NIBAN1: variants seen among roughly 807,000 people sequenced by gnomAD.
NIBAN1 encodes the protein niban apoptosis regulator 1.
Under a neutral mutation model 75.1 loss-of-function variants are expected in NIBAN1, and 81 were observed. That is an observed-to-expected ratio of 1.08 (90% CI 0.90 to 1.30). The LOEUF (loss-of-function observed/expected upper bound fraction) is 1.30, where lower values mean the gene tolerates loss of function less well. NIBAN1 is among the 50% of genes most tolerant of loss of function. The pLI, the probability that NIBAN1 is intolerant of heterozygous loss-of-function variation, is 0.00. For synonymous variants in NIBAN1, 436 were observed against 424.8 expected (o/e 1.03, Z -0.32); for missense variants, 1,133 against 1,128.1 (o/e 1.00, Z -0.06).
In NIBAN1 at chr1:184,798,073, T is replaced by G; in HGVS notation, c.1666+6A>C. ...TGTCCCTGCAGCACCAGGTAACCTT[T>G]CTTACCTTTCAGAGTTTCATCAAGC... On this transcript the variant is annotated splice_donor_region_variant and intron_variant, in intron 13 of 13. Coordinates refer to ENST00000367511, the MANE Select transcript of NIBAN1 (RefSeq NM_052966.4). The G allele has an allele frequency of 6.3e-7, 1 of 1,589,944 alleles. No individual in the cohort carries two copies. Among genetic ancestry groups the G allele is most frequent in the Non-Finnish European group, 8.6e-7 (1 of 1,159,370 alleles).
intron 13 of NIBAN1, 143 bp from the exon 14 acceptor site, chr1:184,796,240 A>G (rs1356477185): frequency 1.3e-6 from 1 of 753,946 alleles, no homozygotes; most frequent in African/African-American, 1.8e-5. Flanking sequence ...ACCAAAGTCT[A>G]TAAACTCTTT....
intron 5 of NIBAN1, among the ~76,000 whole-genome samples, chr1:184,838,274 T>C (rs1238590222): frequency 6.6e-6 from 1 of 152,220 alleles, no homozygotes; most frequent in African/African-American, 2.4e-5. Context: ...GCCCCGAACC[T>C]GCTGAAATCA....
chr1:184,825,444 G>A (rs1455873686), intron 6 of NIBAN1, among the ~76,000 whole-genome samples: 1 of 151,580 alleles, frequency 6.6e-6, no homozygotes, highest in Non-Finnish European at 1.5e-5. Flanking sequence ...GAAAAAGAAG[G>A]CAATAACCAA....
chr1:184,867,985 A>C (rs1237198399), intron 5 of NIBAN1: 1 of 985,340 alleles, frequency 1.0e-6, no homozygotes, highest in Non-Finnish European at 1.2e-6. Flanking sequence ...AGGAAAAAAC[A>C]ACAAATGAAG....
chr1:184,912,779 C>T (rs1657276061), intron 1 of NIBAN1, among the ~76,000 whole-genome samples: 1 of 152,154 alleles, frequency 6.6e-6, no homozygotes, highest in African/African-American at 2.4e-5. Context: ...ATGAGACTGA[C>T]AGCTTTTTCA....
intron 5 of NIBAN1, among the ~76,000 whole-genome samples, chr1:184,833,228 C>T (rs1051775688): frequency 1.3e-5 from 2 of 150,548 alleles, no homozygotes; most frequent in Non-Finnish European, 3.0e-5. Context: ...GATCAATCTG[C>T]TCTCAAAGGT....
chr1:184,815,888 A>C (rs1332553766), intron 9 of NIBAN1, among the ~76,000 whole-genome samples: 3 of 152,232 alleles, frequency 2.0e-5, no homozygotes, highest in African/African-American at 7.2e-5. Flanking sequence ...GGCAATAATT[A>C]GAAATGTCTC....
chr1:184,903,733 C>CTTTTTTTTT (rs368105582), intron 1 of NIBAN1, among the ~76,000 whole-genome samples: 5 of 99,922 alleles, frequency 5.0e-5, no homozygotes, highest in Non-Finnish European at 9.5e-5. Context: ...CCGATTAAAC[C>CTTTTTTTTT]TTTTTTTTTT....
intron 6 of NIBAN1, among the ~76,000 whole-genome samples, chr1:184,825,956 G>A (rs1411650888): frequency 6.6e-6 from 1 of 152,160 alleles, no homozygotes; most frequent in Non-Finnish European, 1.5e-5. Context: ...TTATGCTTTG[G>A]GAATTAAGGA....
chr1:184,900,352 A>G (rs974497047), intron 1 of NIBAN1, among the ~76,000 whole-genome samples: 1 of 152,146 alleles, frequency 6.6e-6, no homozygotes, highest in African/African-American at 2.4e-5. Flanking sequence ...CAGCTGTACA[A>G]CCTCAGTCAA....
At chr1:184,832,561 A>T (rs911616204) in intron 5 of NIBAN1, among the ~76,000 whole-genome samples, 2 of 152,356 alleles carry the variant, frequency 1.3e-5, no homozygotes, top group East Asian at 3.9e-4. Flanking sequence ...ACAGATGAGG[A>T]GACTGAGGCA....
At chr1:184,800,625 C>A (rs1457505856) in intron 12 of NIBAN1, among the ~76,000 whole-genome samples, 3 of 151,836 alleles carry the variant, frequency 2.0e-5, no homozygotes, top group South Asian at 2.1e-4. Flanking sequence ...AATAGGGAAT[C>A]CTTTCCCCAT....
At chr1:184,958,745 G>C (rs968268835) in intron 1 of NIBAN1, among the ~76,000 whole-genome samples, 2 of 152,132 alleles carry the variant, frequency 1.3e-5, no homozygotes, top group African/African-American at 2.4e-5. Flanking sequence ...ACATGCTCAG[G>C]TCTTAGTCAT....
chr1:184,882,705 AG>A (rs1206744423), intron 5 of NIBAN1, among the ~76,000 whole-genome samples: 2 of 152,196 alleles, frequency 1.3e-5, no homozygotes, highest in African/African-American at 4.8e-5. Flanking sequence ...TGTACATGAA[AG>A]GGGGAATGCA....
At chr1:184,867,278 G>A (rs1262375695) in intron 5 of NIBAN1, among the ~76,000 whole-genome samples, 2 of 151,954 alleles carry the variant, frequency 1.3e-5, no homozygotes, top group Non-Finnish European at 2.9e-5. Context: ...AAAACTTTGT[G>A]GTTTGTGACT....
In NIBAN1 at chr1:184,846,193, A is replaced by G. The variant is rs201864180; in HGVS notation, c.602-14231T>C. Among the ~76,000 whole-genome samples, 25 of 26,038 alleles carry G rather than the reference A, an allele frequency of 9.6e-4. 1 individual carries two copies. In the East Asian group the frequency reaches 0.018, roughly 18 times the overall value. The allele number at this position is 26,038 out of a possible 152,430, so 17.1% of individuals were successfully genotyped here. ...GCAGGGCACAGACAAACAAAAAGAC[A>G]GCAGTAACCTCTGCAGACTTAAGTG... On this transcript the variant is annotated intron_variant, in intron 5 of 13. Coordinates refer to ENST00000367511, the MANE Select transcript of NIBAN1 (RefSeq NM_052966.4).
At chr1:184,947,544 A>G (rs1025767210) in intron 1 of NIBAN1, among the ~76,000 whole-genome samples, 19 of 152,242 alleles carry the variant, frequency 1.2e-4, no homozygotes, top group Non-Finnish European at 1.6e-4. Context: ...ATAAATATGT[A>G]TATTTTCCAG....
At chr1:184,827,038 AG>A (rs1654859841) in intron 6 of NIBAN1, among the ~76,000 whole-genome samples, 1 of 152,130 alleles carries the variant, frequency 6.6e-6, no homozygotes, top group South Asian at 2.1e-4. Context: ...TGATTTTATA[AG>A]GGGTTTCCCC....
At chr1:184,842,823 C>T (rs1487883673) in intron 5 of NIBAN1, among the ~76,000 whole-genome samples, 7 of 151,588 alleles carry the variant, frequency 4.6e-5, no homozygotes. Flanking sequence ...ATTCAACAGA[C>T]CTGGAATTGG....
Sources: allele counts gnomAD v4.1 joint callset (sites outside exome capture counted in the v4.1 genomes callset), GRCh38; gene constraint gnomAD v4.1.1; transcripts MANE v1.5; gene names NCBI Gene and HGNC (gene_info 2026-07-23, HGNC 2026-07-21).